Variants in WWOX observed in about 807,000 individuals in gnomAD.
The protein encoded by WWOX is WW domain containing oxidoreductase.
Under a neutral mutation model 46.2 loss-of-function variants are expected in WWOX, and 69 were observed. The ratio of observed to expected loss-of-function variants is 1.49; its 90% CI spans 1.23 to 1.82. The LOEUF (loss-of-function observed/expected upper bound fraction) is 1.82. WWOX is among the 40% of genes most tolerant of loss of function. WWOX has a pLI of 0.00. For missense variants in WWOX, 919 were observed against 542.6 expected (o/e 1.69, Z -6.89); for synonymous variants, 359 against 202.6 (o/e 1.77, Z -6.56).
At chr16:78,361,882 G>C (rs985970568) in intron 5 of WWOX, among the ~76,000 whole-genome samples, 1 of 151,736 alleles carries the variant, frequency 6.6e-6, no homozygotes, top group Non-Finnish European at 1.5e-5. Flanking sequence ...AAAGTGCTGG[G>C]ATTACAGGTG....
chr16:78,757,799 T>C (rs2049692821), intron 8 of WWOX, among the ~76,000 whole-genome samples: 1 of 152,080 alleles, frequency 6.6e-6, no homozygotes, highest in Admixed American at 6.6e-5. Context: ...TGTCCTTACA[T>C]GACAGAGGAA....
At chr16:78,428,140 C>T (rs1174267152) in intron 7 of WWOX, among the ~76,000 whole-genome samples, 1 of 152,206 alleles carries the variant, frequency 6.6e-6, no homozygotes, top group Non-Finnish European at 1.5e-5. Flanking sequence ...GGGCGGGGGT[C>T]CCCCTACAAA....
intron 8 of WWOX, among the ~76,000 whole-genome samples, chr16:79,084,746 C>T (rs1217757149): frequency 6.6e-6 from 1 of 150,580 alleles, no homozygotes; most frequent in African/African-American, 2.4e-5. Flanking sequence ...TTCTTTTAAT[C>T]CTCACAGTGA....
At chr16:78,956,014 T>G (rs1459317547) in intron 8 of WWOX, among the ~76,000 whole-genome samples, 3 of 151,146 alleles carry the variant, frequency 2.0e-5, no homozygotes, top group Non-Finnish European at 4.4e-5. Flanking sequence ...AAAAAAAACT[T>G]TTTTTTTTAG....
At chr16:78,848,811 AC>A (rs1249156771) in intron 8 of WWOX, among the ~76,000 whole-genome samples, 1 of 148,172 alleles carries the variant, frequency 6.7e-6, no homozygotes, top group East Asian at 2.0e-4. Context: ...TTTTTTTTTA[AC>A]CTCCTCTGAG....
intron 5 of WWOX, among the ~76,000 whole-genome samples, chr16:78,261,867 T>C (rs2079251455): frequency 6.7e-6 from 1 of 149,478 alleles, no homozygotes; most frequent in Admixed American, 6.7e-5. Context: ...CACATTTTTC[T>C]CCACCAATTC....
At chr16:78,151,425 A>G (rs2034403190) in intron 4 of WWOX, among the ~76,000 whole-genome samples, 1 of 152,124 alleles carries the variant, frequency 6.6e-6, no homozygotes. Context: ...ACATGAAATG[A>G]CAATGACACT....
intron 8 of WWOX, among the ~76,000 whole-genome samples, chr16:78,544,020 G>C (rs558282384): frequency 2.4e-4 from 37 of 152,254 alleles, no homozygotes; most frequent in Non-Finnish European, 5.3e-4. Context: ...CAGTTTCAAA[G>C]CTTCTAGTAG....
intron 8 of WWOX, among the ~76,000 whole-genome samples, chr16:79,086,206 T>C (rs1297043968): frequency 6.6e-6 from 1 of 152,236 alleles, no homozygotes; most frequent in South Asian, 2.1e-4. Context: ...CCAGCACATA[T>C]TACATGCTCA....
At chr16:78,865,781 G>C (rs1224041380) in intron 8 of WWOX, among the ~76,000 whole-genome samples, 1 of 152,168 alleles carries the variant, frequency 6.6e-6, no homozygotes, top group African/African-American at 2.4e-5. Context: ...TCAGGAGACG[G>C]AGGCAGGAGA....
At chr16:78,136,152 A>T (rs566581602) in intron 4 of WWOX, among the ~76,000 whole-genome samples, 4 of 152,182 alleles carry the variant, frequency 2.6e-5, no homozygotes, top group Non-Finnish European at 5.9e-5. Flanking sequence ...TGAAATTCAC[A>T]ATGCGTGCCA....
At chr16:78,887,352 C>G (rs1313385621) in intron 8 of WWOX, among the ~76,000 whole-genome samples, 1 of 151,920 alleles carries the variant, frequency 6.6e-6, no homozygotes, top group East Asian at 1.9e-4. Context: ...TCCCCTCTCT[C>G]CCAACTCCCC....
chr16:78,769,316 C>T (rs1417845238), intron 8 of WWOX, among the ~76,000 whole-genome samples: 1 of 152,172 alleles, frequency 6.6e-6, no homozygotes, highest in Non-Finnish European at 1.5e-5. Context: ...ATCCATCCTG[C>T]CTCCCTCCAT....
intron 8 of WWOX, among the ~76,000 whole-genome samples, chr16:78,992,807 T>C (rs4888909): frequency 0.98 from 149,306 of 152,212 alleles, 73,311 homozygotes; most frequent in East Asian, 1. Context: ...ATAAATAGCC[T>C]CAAAAGTCAC....
intron 8 of WWOX, among the ~76,000 whole-genome samples, chr16:78,831,691 A>G (rs529761900): frequency 6.6e-6 from 1 of 152,314 alleles, no homozygotes; most frequent in African/African-American, 2.4e-5. Flanking sequence ...AAGAAGAAAT[A>G]ATTTATGTAA....
At chr16:78,671,482 G>A (rs1298962585) in intron 8 of WWOX, among the ~76,000 whole-genome samples, 3 of 152,228 alleles carry the variant, frequency 2.0e-5, no homozygotes, top group South Asian at 2.1e-4. Flanking sequence ...ATTTGCCTGT[G>A]GCCCTAGGAA....
At chr16:78,711,851 C>T (rs1008448301) in intron 8 of WWOX, among the ~76,000 whole-genome samples, 3 of 152,150 alleles carry the variant, frequency 2.0e-5, no homozygotes, top group Admixed American at 2.0e-4. Context: ...CACAATTATT[C>T]CGTAAACACA....
chr16:78,535,002 G>T (rs573393431), intron 8 of WWOX: 1 of 152,146 alleles, frequency 6.6e-6, no homozygotes, highest in African/African-American at 2.4e-5. Flanking sequence ...ATGAGCCACC[G>T]CACGCAGCGT....
intron 5 of WWOX, among the ~76,000 whole-genome samples, chr16:78,340,160 A>G (rs867373051): frequency 1.8e-5 from 2 of 113,184 alleles, no homozygotes; most frequent in Non-Finnish European, 4.2e-5. Flanking sequence ...ATCTTCTCAA[A>G]ATTGTTTTCA....
Sources: allele counts gnomAD v4.1 joint callset (sites outside exome capture counted in the v4.1 genomes callset), GRCh38; gene constraint gnomAD v4.1.1; transcripts MANE v1.5; gene names NCBI Gene and HGNC (gene_info 2026-07-23, HGNC 2026-07-21).